Variants in DPYD observed in about 807,000 individuals in gnomAD.
DPYD encodes dihydropyrimidine dehydrogenase [NADP(+)].
In DPYD, 109 loss-of-function variants were observed where a neutral mutation model predicts 116.2. That is an observed-to-expected ratio of 0.94 (90% confidence interval 0.80 to 1.10). The LOEUF (loss-of-function observed/expected upper bound fraction) is 1.10, where lower values mean the gene tolerates loss of function less well. Among genes scored for constraint, DPYD ranks in the 50% least tolerant of loss-of-function variants. The pLI is 0.00. For missense variants in DPYD, 1,302 were observed against 1,254.5 expected (o/e 1.04, Z -0.57); for synonymous variants, 440 against 432.0 (o/e 1.02, Z -0.23).
rs1164169955 is a variant in DPYD, at chr1:97,078,093, T to C, written c.*883A>G. 3 of 152,156 alleles carry C rather than the reference T, an allele frequency of 2.0e-5. No individual in the cohort carries two copies. The highest frequency in any genetic ancestry group is 7.2e-5 in the African/African-American group (3 of 41,448). 9.4% of individuals were successfully genotyped at this position (152,156 alleles called of 1,614,324 possible). A position where few individuals can be genotyped will look rare whatever the true frequency, so the allele number is the denominator to read the frequency against. On this transcript the variant is annotated 3_prime_UTR_variant, in exon 23 of 23. Coordinates refer to ENST00000370192, the MANE Select transcript of DPYD (RefSeq NM_000110.4). ...CACACTTAATATATATTATCAACAT[T>C]ATATTTTTCATTCTTGAATAATGAA...
At chr1:97,154,456 A>G (rs1292624840) in intron 20 of DPYD, among the ~76,000 whole-genome samples, 5 of 152,158 alleles carry the variant, frequency 3.3e-5, no homozygotes, top group Admixed American at 2.6e-4. Context: ...GATGCAAAGG[A>G]ATAAGAATGA....
chr1:97,671,872 A>ACTTTT (rs368548761), intron 8 of DPYD, among the ~76,000 whole-genome samples: 2 of 150,584 alleles, frequency 1.3e-5, no homozygotes, highest in East Asian at 1.9e-4. Flanking sequence ...CACAGAATAA[A>ACTTTT]CTTTTCTTTT....
At chr1:97,189,458 A>G (rs1658211132) in intron 20 of DPYD, among the ~76,000 whole-genome samples, 1 of 152,202 alleles carries the variant, frequency 6.6e-6, no homozygotes, top group East Asian at 1.9e-4. Context: ...AAAAGTGAAG[A>G]CATTTTCTTT....
chr1:97,579,096 T>C lies in DPYD; in HGVS notation c.1129-5126A>G, dbSNP rs575992685. Among the ~76,000 whole-genome samples the C allele has an allele frequency of 2.4e-4, 36 of 152,278 alleles. 1 individual carries two copies. The highest frequency in any genetic ancestry group is 9.8e-4 in the Admixed American group (15 of 15,298). On this transcript the variant is annotated intron_variant, in intron 10 of 22. Coordinates refer to ENST00000370192, the MANE Select transcript of DPYD (RefSeq NM_000110.4). ...AGAGTGATATTAAAATAGTCAACAA[T>C]TGATAAGTATAAGCCCATGAACATT...
At chr1:97,641,481 G>A (rs1657900311) in intron 8 of DPYD, among the ~76,000 whole-genome samples, 1 of 152,090 alleles carries the variant, frequency 6.6e-6, no homozygotes, top group African/African-American at 2.4e-5. Context: ...CACATAAACA[G>A]AACCAATGAC....
chr1:97,339,817 T>G (rs1669504505), intron 16 of DPYD, among the ~76,000 whole-genome samples: 1 of 152,196 alleles, frequency 6.6e-6, no homozygotes, highest in Non-Finnish European at 1.5e-5. Context: ...TATGTTTGTG[T>G]GTGTGTTTAA....
rs183475941 is a variant in DPYD at position 97,373,570 on chromosome 1, G to C, written c.2049C>G (p.Ala683=). Residue 683 remains alanine (A), a synonymous_variant, in exon 16 of 23, where the codon GCC becomes GCG. Transcript: ENST00000370192. ...HGMGERGMGL[A]CGQDPELVRN... is the part of the protein sequence containing the mutation. ...CTGTCAAGGTCCTTACCTGCCCACA[G>C]GCCAGGCCCATTCCTCTTTCTCCCA... 145 of 1,613,592 alleles carry C rather than the reference G, an allele frequency of 9.0e-5. 1 individual carries two copies. The East Asian group carries it at 2.3e-3, about 26-fold the overall frequency.
chr1:97,860,881 A>G (rs1671076932), intron 2 of DPYD, among the ~76,000 whole-genome samples: 4 of 151,176 alleles, frequency 2.6e-5, no homozygotes, highest in Non-Finnish European at 3.0e-5. Flanking sequence ...GCTACAGGGT[A>G]AAAAAAAAGG....
At chr1:97,826,727 T>G (rs528988835) in intron 3 of DPYD, among the ~76,000 whole-genome samples, 110 of 152,276 alleles carry the variant, frequency 7.2e-4, no homozygotes, top group Admixed American at 1.4e-3. Flanking sequence ...TTACAACTTA[T>G]TTTTAATTTG....
intron 8 of DPYD, among the ~76,000 whole-genome samples, chr1:97,658,896 G>C (rs529709546): frequency 6.6e-6 from 1 of 152,198 alleles, no homozygotes; most frequent in Non-Finnish European, 1.5e-5. Context: ...GGTTTATAAT[G>C]CTAGTTCACT....
At chr1:97,648,587 G>A (rs1245091225) in intron 8 of DPYD, among the ~76,000 whole-genome samples, 1 of 151,760 alleles carries the variant, frequency 6.6e-6, no homozygotes, top group Non-Finnish European at 1.5e-5. Context: ...TCAGAACTAG[G>A]AAAGACACTG....
chr1:97,226,809 C>A (rs115115446), intron 19 of DPYD, among the ~76,000 whole-genome samples: 1 of 152,026 alleles, frequency 6.6e-6, no homozygotes, highest in African/African-American at 2.4e-5. Flanking sequence ...CCAAAGCAAT[C>A]TAAATATTCA....
chr1:97,404,154 G>A lies in DPYD; in HGVS notation c.1906-21693C>T, dbSNP rs144474836. Among the ~76,000 whole-genome samples, 105 of 152,080 alleles carry A rather than the reference G, an allele frequency of 6.9e-4. 3 individuals are homozygous for A. The East Asian group carries it at 0.014, about 20-fold the overall frequency. On this transcript the variant is annotated intron_variant, in intron 14 of 22. Transcript: ENST00000370192. Reference sequence around the variant, plus strand: ...TTAATTCCATTGTGTTCTCAGATCAGAGACTTTATGATTTCTGTCCTTTTA... The same window carrying A: ...TTAATTCCATTGTGTTCTCAGATCAAAGACTTTATGATTTCTGTCCTTTTA...
chr1:97,340,923 A>G (rs913270002), intron 16 of DPYD, among the ~76,000 whole-genome samples: 1 of 152,196 alleles, frequency 6.6e-6, no homozygotes, highest in Non-Finnish European at 1.5e-5. Flanking sequence ...AATTTCCCCC[A>G]AAATAGCTGT....
intron 2 of DPYD, among the ~76,000 whole-genome samples, chr1:97,828,828 C>T (rs773853875): frequency 1.6e-4 from 24 of 151,756 alleles, no homozygotes; most frequent in Non-Finnish European, 2.8e-4. Flanking sequence ...AGATCAGGTT[C>T]TTAGAAGAAT....
intron 16 of DPYD, among the ~76,000 whole-genome samples, chr1:97,323,357 T>C (rs1423323346): frequency 7.8e-6 from 1 of 127,572 alleles, no homozygotes; most frequent in East Asian, 2.5e-4. Flanking sequence ...TGTGTATATG[T>C]ACACGTATGT....
intron 7 of DPYD, among the ~76,000 whole-genome samples, chr1:97,684,396 TGTTA>T (rs1660601156): frequency 6.6e-6 from 1 of 152,060 alleles, no homozygotes; most frequent in Non-Finnish European, 1.5e-5. Context: ...CCTAAGAGAC[TGTTA>T]GTTATTATTT....
intron 16 of DPYD, among the ~76,000 whole-genome samples, chr1:97,334,665 T>G (rs188867196): frequency 5.4e-4 from 83 of 152,330 alleles, no homozygotes; most frequent in African/African-American, 1.9e-3. Flanking sequence ...AAGCCTCTGC[T>G]TTCCTGGCTC....
intron 14 of DPYD, among the ~76,000 whole-genome samples, chr1:97,388,968 A>G (rs1672515276): frequency 1.3e-5 from 2 of 152,064 alleles, no homozygotes; most frequent in Non-Finnish European, 2.9e-5. Flanking sequence ...AGACGAGTAG[A>G]GAGAGAAACA....
Sources: gnomAD v4.1 joint callset for allele counts (sites outside exome capture counted in the v4.1 genomes callset) on GRCh38, gnomAD v4.1.1 for gene constraint, MANE v1.5 for transcripts, NCBI Gene and HGNC (gene_info 2026-07-23, HGNC 2026-07-21) for gene names.